Variants in LRMDA observed in about 807,000 individuals in gnomAD.
LRMDA encodes leucine-rich melanocyte differentiation-associated protein.
Under a neutral mutation model 29.8 loss-of-function variants are expected in LRMDA, and 18 were observed. The observed-to-expected ratio is 0.60, with a 90% CI of 0.42 to 0.90. The LOEUF is 0.90. Among genes scored for constraint, LRMDA ranks in the 40% least tolerant of loss-of-function variants. The pLI, the probability that LRMDA is intolerant of heterozygous loss-of-function variation, is 0.00. For missense variants in LRMDA, 273 were observed against 273.9 expected (o/e 1.00, Z 0.02); for synonymous variants, 125 against 109.4 (o/e 1.14, Z -0.89).
chr10:76,521,657 T>C (rs1843122543), intron 6 of LRMDA, among the ~76,000 whole-genome samples: 1 of 152,196 alleles, frequency 6.6e-6, no homozygotes, highest in Admixed American at 6.5e-5. Context: ...CTTGAAATGT[T>C]TTTTCAGGTG....
intron 2 of LRMDA, among the ~76,000 whole-genome samples, chr10:76,029,904 T>C (rs1223924454): frequency 6.6e-6 from 1 of 152,198 alleles, no homozygotes; most frequent in East Asian, 1.9e-4. Flanking sequence ...TTTTTTGTTG[T>C]TATTGTTTAG....
rs373985018 is a variant in LRMDA, at chr10:76,390,994, T to G, written c.601+66509T>G. Among the ~76,000 whole-genome samples the G allele has an allele frequency of 3.7e-4, 56 of 152,320 alleles. 1 individual carries two copies. In the South Asian group the frequency reaches 4.3e-3, roughly 12 times the overall value. On this transcript the variant is annotated intron_variant, in intron 6 of 6. Coordinates refer to ENST00000611255, the MANE Select transcript of LRMDA (RefSeq NM_001305581.2). ...AGGAATTTTCAACATATGATAGTCA[T>G]AGAACCCAAGAACTTACCATCCAAT...
At chr10:76,341,934 TAGTTACAAA>T (rs1841046828) in intron 6 of LRMDA, among the ~76,000 whole-genome samples, 1 of 152,162 alleles carries the variant, frequency 6.6e-6, no homozygotes, top group African/African-American at 2.4e-5. Context: ...TTCATTACGG[TAGTTACAAA>T]AGTCCTGCTG....
intron 3 of LRMDA, among the ~76,000 whole-genome samples, chr10:76,040,925 G>A (rs1402062183): frequency 6.6e-6 from 1 of 152,184 alleles, no homozygotes; most frequent in East Asian, 1.9e-4. Flanking sequence ...TTACACAGCT[G>A]GGCTGTGGCA....
chr10:75,517,231 G>A (rs1315489151), intron 2 of LRMDA, among the ~76,000 whole-genome samples: 1 of 152,072 alleles, frequency 6.6e-6, no homozygotes, highest in African/African-American at 2.4e-5. Context: ...TTCCAAATCT[G>A]TGAAGAAAGT....
At chr10:76,078,231 G>A (rs975841721) in intron 5 of LRMDA, among the ~76,000 whole-genome samples, 2 of 151,444 alleles carry the variant, frequency 1.3e-5, no homozygotes, top group Admixed American at 6.6e-5. Context: ...GGATGGTCTC[G>A]ATCTCCTGAC....
chr10:76,545,638 T>TTTATTATTATTATTATTA (rs143193002), intron 6 of LRMDA, among the ~76,000 whole-genome samples: 1 of 143,776 alleles, frequency 7.0e-6, no homozygotes, highest in Non-Finnish European at 1.5e-5. Flanking sequence ...GGAACAACCT[T>TTTATTATTATTATTATTA]TTATTATTAT....
intron 5 of LRMDA, among the ~76,000 whole-genome samples, chr10:76,118,840 C>CTT (rs962279433): frequency 0.081 from 3,723 of 45,744 alleles, 140 homozygotes; most frequent in Admixed American, 0.11. Flanking sequence ...TGCAAATACA[C>CTT]TTTTTTTTTT....
intron 5 of LRMDA, among the ~76,000 whole-genome samples, chr10:76,215,609 C>T (rs1000037432): frequency 5.3e-5 from 8 of 151,810 alleles, no homozygotes; most frequent in Non-Finnish European, 8.8e-5. Flanking sequence ...AAGTGCAGGA[C>T]AGGACTTGAC....
At chr10:75,905,650 T>C (rs996135367) in intron 2 of LRMDA, among the ~76,000 whole-genome samples, 9 of 152,148 alleles carry the variant, frequency 5.9e-5, no homozygotes, top group Admixed American at 1.3e-4. Flanking sequence ...TCTAGAGATT[T>C]GGGGTTTGCA....
chr10:76,524,072 T>C (rs1007736059), intron 6 of LRMDA, among the ~76,000 whole-genome samples: 1 of 152,256 alleles, frequency 6.6e-6, no homozygotes, highest in Admixed American at 6.5e-5. Context: ...ACACTAAAGT[T>C]GAAAACATGC....
At chr10:76,484,684 A>G (rs565845962) in intron 6 of LRMDA, among the ~76,000 whole-genome samples, 1 of 151,956 alleles carries the variant, frequency 6.6e-6, no homozygotes, top group Non-Finnish European at 1.5e-5. Flanking sequence ...TGTAAATTCT[A>G]TTAGGTTATC....
At chr10:76,200,741 G>T (rs1851411739) in intron 5 of LRMDA, among the ~76,000 whole-genome samples, 1 of 148,518 alleles carries the variant, frequency 6.7e-6, no homozygotes, top group Non-Finnish European at 1.5e-5. Context: ...TTCTGAGACA[G>T]GGCTTAGCTC....
chr10:76,517,266 ATAAACT>A (rs1843071701), intron 6 of LRMDA, among the ~76,000 whole-genome samples: 1 of 152,170 alleles, frequency 6.6e-6, no homozygotes, highest in African/African-American at 2.4e-5. Flanking sequence ...AAGCATGCAG[ATAAACT>A]TAAAAGCCCC....
At chr10:75,796,811 C>A (rs906750328) in intron 2 of LRMDA, among the ~76,000 whole-genome samples, 1 of 152,218 alleles carries the variant, frequency 6.6e-6, no homozygotes, top group African/African-American at 2.4e-5. Context: ...GTGATCCACC[C>A]GCCTTGGCCT....
At chr10:75,528,867 CAAG>C (rs974698287) in intron 2 of LRMDA, among the ~76,000 whole-genome samples, 9 of 151,980 alleles carry the variant, frequency 5.9e-5, no homozygotes, top group African/African-American at 1.7e-4. Context: ...AGCACTGAAA[CAAG>C]AACAGAATAC....
chr10:75,603,253 C>G (rs1411244464), intron 2 of LRMDA, among the ~76,000 whole-genome samples: 1 of 150,116 alleles, frequency 6.7e-6, no homozygotes, highest in African/African-American at 2.5e-5. Context: ...AAAATCTCAT[C>G]TTTGGAGCTT....
chr10:76,374,992 A>G (rs1024467190), intron 6 of LRMDA, among the ~76,000 whole-genome samples: 2 of 152,216 alleles, frequency 1.3e-5, no homozygotes, highest in African/African-American at 4.8e-5. Flanking sequence ...GATTTAGCTC[A>G]TCTATCTGCA....
At chr10:76,515,614 T>A (rs981473397) in intron 6 of LRMDA, among the ~76,000 whole-genome samples, 5 of 152,072 alleles carry the variant, frequency 3.3e-5, no homozygotes, top group East Asian at 3.9e-4. Context: ...CAAGCAATCC[T>A]CCCACCTCAG....
Sources: allele counts gnomAD v4.1 joint callset (sites outside exome capture counted in the v4.1 genomes callset), GRCh38; gene constraint gnomAD v4.1.1; transcripts MANE v1.5; gene names NCBI Gene and HGNC (gene_info 2026-07-23, HGNC 2026-07-21).